The following LPL variants were observed in gnomAD, a reference collection of about 807,000 sequenced individuals.
LPL encodes the protein phospholipase A1.
In LPL, 43 loss-of-function variants were observed where a neutral mutation model predicts 52.2. The observed-to-expected ratio is 0.82, with a 90% CI of 0.64 to 1.06. LPL has a LOEUF of 1.06. LPL is among the 50% of genes least tolerant of loss of function. LPL has a pLI of 0.00. For synonymous variants in LPL, 244 were observed against 215.6 expected, an observed-to-expected ratio of 1.13 and a Z score of -1.15; for missense variants, 639 against 585.3, an observed-to-expected ratio of 1.09 and a Z score of -0.95.
intron 6 of LPL, among the ~76,000 whole-genome samples, chr8:19,956,508 A>C (rs551575578): frequency 6.6e-6 from 1 of 152,218 alleles, no homozygotes; most frequent in Non-Finnish European, 1.5e-5. Context: ...TTTGCTAAAA[A>C]GGTAAACTTG....
Position 19,966,787 on chromosome 8 carries a change from C to A in LPL, c.*1477C>A, listed in dbSNP as rs377119575. The A allele has an allele frequency of 1.3e-5, 2 of 152,108 alleles. No individual in the cohort carries two copies. Among genetic ancestry groups the A allele is most frequent in the South Asian group, 4.1e-4 (2 of 4,826 alleles). The allele number at this position is 152,108 out of a possible 1,614,324, so 9.4% of individuals were successfully genotyped here. A position where few individuals can be genotyped will look rare whatever the true frequency, so the allele number is the denominator to read the frequency against. ...ATGATCGTGCCTATAAATAGTAGGA[C>A]CAATGTTGTGATTAACATCATCAGG... On this transcript the variant is annotated 3_prime_UTR_variant, in exon 10 of 10. Transcript: ENST00000650287.
chr8:19,947,734 G>A (rs1403550447), intron 1 of LPL, among the ~76,000 whole-genome samples: 5 of 136,666 alleles, frequency 3.7e-5, no homozygotes, highest in Admixed American at 2.7e-4. Context: ...TGTTCTCCAC[G>A]AAAGCAAGCT....
At chr8:19,948,749 G>A (rs1344813949) in intron 2 of LPL, among the ~76,000 whole-genome samples, 4 of 152,112 alleles carry the variant, frequency 2.6e-5, no homozygotes, top group Non-Finnish European at 5.9e-5. Context: ...GGCTGGAGTG[G>A]AGTGAGGAAG....
intron 9 of LPL, among the ~76,000 whole-genome samples, chr8:19,963,253 T>C (rs532973424): frequency 1.3e-5 from 2 of 152,318 alleles, no homozygotes; most frequent in African/African-American, 4.8e-5. Flanking sequence ...CTGGCCAACG[T>C]GGCGAAACCA....
chr8:19,944,226 C>G lies in LPL; in HGVS notation c.89-3954C>G, dbSNP rs2069864763. Among the ~76,000 whole-genome samples the G allele has an allele frequency of 6.6e-6, 1 of 152,082 alleles. No homozygotes were observed. The highest frequency in any genetic ancestry group is 2.1e-4 in the South Asian group (1 of 4,818). The stretch of plus-strand genomic sequence containing the variant: ...AATAAAATGAAATAAAGTAAAGCTG[C>G]ATGTTAGAGAAGTCAAGAGCATTAC... On this transcript the variant is annotated intron_variant, in intron 1 of 9. Coordinates refer to ENST00000650287, the MANE Select transcript of LPL (RefSeq NM_000237.3). This position sits in a 1 kb window ranked among gnomAD's most constrained non-coding sequence, Gnocchi z 4.2.
rs1490867897 is a variant in LPL, at chr8:19,950,809, AGGAAAGAAAGGAG to A, written c.250-947_250-935del. Among the ~76,000 whole-genome samples the A allele has an allele frequency of 6.6e-6, 1 of 151,326 alleles. No homozygotes were observed. The highest frequency in any genetic ancestry group is 1.5e-5 in the Non-Finnish European group (1 of 67,848). The stretch of plus-strand genomic sequence containing the variant: ...AGACAGTAAGACTCTGCCAAAAGAA[AGGAAAGAAAGGAG>A]GGAAAGAAAGGAAGGAATGAAAGGA... On this transcript the variant is annotated intron_variant, in intron 2 of 9. Transcript: ENST00000650287. The surrounding 1 kb of genome is among the most constrained non-coding windows in gnomAD (Gnocchi z 4.2).
chr8:19,946,577 GA>G, intron 1 of LPL: 69 of 303,112 alleles, frequency 2.3e-4, no homozygotes, highest in East Asian at 3.6e-4. Flanking sequence ...ATTTTGAGTT[GA>G]AAAAAAAGAG....
chr8:19,965,182 T>C lies in LPL; in HGVS notation c.*-128T>C, dbSNP rs1019235169. On this transcript the variant is annotated intron_variant, in intron 9 of 9. Transcript: ENST00000650287. ...ATTATACACATCTCCCCTGGGTTTA[T>C]TCTCACAACCTTTGTTCTGAAATTC... The C allele has an allele frequency of 1.1e-5, 8 of 706,454 alleles. No individual in the cohort carries two copies. The African/African-American group carries it at 1.4e-4, about 12-fold the overall frequency. The allele number at this position is 706,454 out of a possible 1,614,324, so 43.8% of individuals were successfully genotyped here. A position where few individuals can be genotyped will look rare whatever the true frequency, so the allele number is the denominator to read the frequency against.
chr8:19,961,035 G>A lies in LPL; in HGVS notation c.1274G>A (p.Gly425Asp). The A allele has an allele frequency of 6.2e-7, 1 of 1,614,098 alleles. No homozygotes were observed. Among genetic ancestry groups the A allele is most frequent in the Non-Finnish European group, 8.5e-7 (1 of 1,180,004 alleles). The change falls in exon 8 of 10, where the codon GGC becomes GAC. Residue 425 changes from glycine to aspartate, a missense_variant. Physicochemically the swap from Gly to Asp is moderately conservative, Grantham distance 94. Transcript: ENST00000650287. ...TGGTCAGACTGGTGGAGCAGTCCCG[G>A]CTTCGCCATTCAGAAGATCAGAGTA... is the stretch of plus-strand genomic sequence containing the variant. ...FSWSDWWSSP[G>D]FAIQKIRVKA...
rs2069980241 is a variant in LPL at position 19,955,885 on chromosome 8, C to T, written c.820C>T (p.Leu274Phe). 1 of 1,614,202 alleles carries T rather than the reference C, an allele frequency of 6.2e-7. No individual in the cohort carries two copies. The highest frequency in any genetic ancestry group is 8.5e-7 in the Non-Finnish European group (1 of 1,180,030). The part of the protein sequence containing the change: ...VKCSHERSIH[L>F]FIDSLLNEEN... ...GTGCTCCCACGAGCGCTCCATTCAT[C>T]TCTTCATCGACTCTCTGTTGAATGA... The change falls in exon 6 of 10, where the codon CTC (leucine) becomes TTC (phenylalanine). Residue 274 changes from leucine (L) to phenylalanine (F), a missense_variant. Physicochemically the swap from Leu to Phe is conservative, Grantham distance 22 (BLOSUM62 0). Coordinates refer to ENST00000650287, the MANE Select transcript of LPL (RefSeq NM_000237.3).
chr8:19,964,388 G>A (rs1035023432), intron 9 of LPL, among the ~76,000 whole-genome samples: 1 of 152,194 alleles, frequency 6.6e-6, no homozygotes, highest in Non-Finnish European at 1.5e-5. Flanking sequence ...CTAGCTGCTT[G>A]TAAAGCACGT....
rs2128835242 is a variant in LPL at position 19,939,866 on chromosome 8, G to C, written c.88+338G>C. Reference sequence around the variant, plus strand: ...TGTGGGGGCCGGGACGGCGGAGGCGGGGAGTAAGGGCCCGGCTGGCGGTGA... The same window carrying C: ...TGTGGGGGCCGGGACGGCGGAGGCGCGGAGTAAGGGCCCGGCTGGCGGTGA... On this transcript the variant is annotated intron_variant, in intron 1 of 9. Coordinates refer to ENST00000650287, the MANE Select transcript of LPL (RefSeq NM_000237.3). The surrounding 1 kb of genome is among the most constrained non-coding windows in gnomAD (Gnocchi z 4.0). Among the ~76,000 whole-genome samples, 1 of 152,318 alleles carries C rather than the reference G, an allele frequency of 6.6e-6. No homozygotes were observed. The highest frequency in any genetic ancestry group is 1.9e-4 in the East Asian group (1 of 5,152).
chr8:19,961,520 G>A (rs1312658209), intron 8 of LPL, among the ~76,000 whole-genome samples: 1 of 152,044 alleles, frequency 6.6e-6, no homozygotes, highest in Non-Finnish European at 1.5e-5. Flanking sequence ...CCACCCATGT[G>A]TACCCATAAA....
intron 3 of LPL, among the ~76,000 whole-genome samples, chr8:19,952,700 G>C (rs2069946280): frequency 6.6e-6 from 1 of 152,082 alleles, no homozygotes; most frequent in Admixed American, 6.6e-5. Context: ...TGGGCAAACG[G>C]GATCACCTCC....
At chr8:19,959,606 A>G (rs2070019299) in intron 7 of LPL, among the ~76,000 whole-genome samples, 1 of 152,026 alleles carries the variant, frequency 6.6e-6, no homozygotes, top group African/African-American at 2.4e-5. Context: ...TTATCATCTT[A>G]TATCTGTTTA....
At chr8:19,953,469 T>A in intron 4 of LPL, 48 bp downstream of exon 4, 10 of 1,391,166 alleles carry the variant, frequency 7.2e-6, no homozygotes, top group Non-Finnish European at 1.0e-5. Context: ...GAAAAGACTG[T>A]CATTCTGAGA....
intron 7 of LPL, 46 bp from the exon 8 acceptor site, chr8:19,960,855 A>C: frequency 2.8e-6 from 4 of 1,403,526 alleles, no homozygotes; most frequent in Non-Finnish European, 4.0e-6. Flanking sequence ...GGGGGCAGGG[A>C]GAGCTGATCT....
intron 6 of LPL, among the ~76,000 whole-genome samples, chr8:19,957,803 A>T (rs1355354421): frequency 6.6e-6 from 1 of 152,058 alleles, no homozygotes; most frequent in African/African-American, 2.4e-5. Context: ...TTTATTAAAA[A>T]TTTTTTCACC....
intron 5 of LPL, among the ~76,000 whole-genome samples, chr8:19,955,029 G>T (rs1301573249): frequency 6.6e-6 from 1 of 152,026 alleles, no homozygotes; most frequent in African/African-American, 2.4e-5. Context: ...AGAGCCCCTT[G>T]CATACTTTAT....
Sources: gnomAD v4.1 joint callset for allele counts (sites outside exome capture counted in the v4.1 genomes callset) on GRCh38, gnomAD v4.1.1 for gene constraint, Gnocchi (gnomAD v3.1) non-coding constraint, MANE v1.5 for transcripts, NCBI Gene and HGNC (gene_info 2026-07-23, HGNC 2026-07-21) for gene names.